FNDC3B: variants seen among roughly 807,000 people sequenced by gnomAD.
The protein encoded by FNDC3B is fibronectin type III domain containing 3B.
Under a neutral mutation model 151.5 loss-of-function variants are expected in FNDC3B, and 12 were observed. That is an observed-to-expected ratio of 0.08 (90% CI 0.05 to 0.13). FNDC3B has a LOEUF of 0.13. Ranked by LOEUF, FNDC3B falls within the 10% of genes least tolerant of loss-of-function variation. FNDC3B has a pLI of 1.00. For synonymous variants in FNDC3B, 528 were observed against 549.0 expected, an observed-to-expected ratio of 0.96 and a Z score of 0.54; for missense variants, 1,214 against 1,505.3, an observed-to-expected ratio of 0.81 and a Z score of 3.20.
chr3:172,366,159 G>A (rs2108348802), intron 23 of FNDC3B, among the ~76,000 whole-genome samples: 1 of 152,132 alleles, frequency 6.6e-6, no homozygotes, highest in Admixed American at 6.5e-5. Flanking sequence ...AACCCCTCAG[G>A]TTCTGCAACT....
chr3:172,232,733 T>A (rs111347895), intron 4 of FNDC3B, among the ~76,000 whole-genome samples: 2 of 152,114 alleles, frequency 1.3e-5, no homozygotes, highest in African/African-American at 4.8e-5. Flanking sequence ...CACTTGTGAG[T>A]GTGATTAGAG....
chr3:172,234,995 A>G (rs1256337485), intron 4 of FNDC3B, among the ~76,000 whole-genome samples: 1 of 152,144 alleles, frequency 6.6e-6, no homozygotes, highest in African/African-American at 2.4e-5. Context: ...TGGGTTCTTA[A>G]TTCTTTATTG....
intron 7 of FNDC3B, among the ~76,000 whole-genome samples, chr3:172,287,331 G>A (rs1015105369): frequency 6.6e-6 from 1 of 152,146 alleles, no homozygotes; most frequent in African/African-American, 2.4e-5. Flanking sequence ...CAGGGACTCT[G>A]GAAAGATAGA....
intron 6 of FNDC3B, among the ~76,000 whole-genome samples, chr3:172,259,772 G>A (rs1370985532): frequency 6.6e-6 from 1 of 151,864 alleles, no homozygotes; most frequent in Non-Finnish European, 1.5e-5. Context: ...TTTCCCCCTC[G>A]TATTTTTGTT....
At chr3:172,247,404 A>G in intron 4 of FNDC3B, 129 bp from the exon 5 acceptor site, 1 of 980,558 alleles carries the variant, frequency 1.0e-6, no homozygotes, top group Non-Finnish European at 1.5e-6. Context: ...GAGAACCAGA[A>G]TACAACATGC....
At position 172,286,501 on chromosome 3, in the gene FNDC3B, G is replaced by A. The variant is rs183929082; in HGVS notation, c.849+517G>A. Among the ~76,000 whole-genome samples, 291 of 152,328 alleles carry A rather than the reference G, an allele frequency of 1.9e-3. 3 individuals are homozygous for A. Among genetic ancestry groups the A allele is most frequent in the African/African-American group, 6.9e-3 (286 of 41,592 alleles). On this transcript the variant is annotated intron_variant, in intron 7 of 25. Coordinates refer to ENST00000415807, the MANE Select transcript of FNDC3B (RefSeq NM_022763.4). Reference sequence around the variant, plus strand: ...CTTTGAAATTCAAGTGAAAAACTCAGAATGTTGATTCAGCCTTTCATCTGA... The same window carrying A: ...CTTTGAAATTCAAGTGAAAAACTCAAAATGTTGATTCAGCCTTTCATCTGA...
intron 2 of FNDC3B, among the ~76,000 whole-genome samples, chr3:172,114,742 A>C (rs147598492): frequency 2.6e-5 from 4 of 152,130 alleles, no homozygotes; most frequent in African/African-American, 7.2e-5. Flanking sequence ...AAAAACAAAA[A>C]CCCGCATTTT....
At chr3:172,168,637 G>T (rs1006043051) in intron 3 of FNDC3B, among the ~76,000 whole-genome samples, 3 of 151,598 alleles carry the variant, frequency 2.0e-5, no homozygotes, top group Non-Finnish European at 2.9e-5. Context: ...TATTTCAAGT[G>T]TTGCTATATA....
At chr3:172,302,239 T>A (rs1243877094) in intron 9 of FNDC3B, 1 of 152,220 alleles carries the variant, frequency 6.6e-6, no homozygotes, top group Non-Finnish European at 1.5e-5. Context: ...AGTTCACCCA[T>A]CAGACACACA....
intron 1 of FNDC3B, among the ~76,000 whole-genome samples, chr3:172,063,768 C>T (rs1192356317): frequency 6.6e-6 from 1 of 152,144 alleles, no homozygotes. Context: ...TTTTCTAGCT[C>T]TCTTACTCTG....
At chr3:172,087,481 GA>G in intron 1 of FNDC3B, among the ~76,000 whole-genome samples, 1 of 152,228 alleles carries the variant, frequency 6.6e-6, no homozygotes, top group East Asian at 1.9e-4. Flanking sequence ...AACTTGGTTA[GA>G]TTTCCTTTGT....
chr3:172,089,222 T>G (rs1718692576), intron 1 of FNDC3B, among the ~76,000 whole-genome samples: 1 of 152,216 alleles, frequency 6.6e-6, no homozygotes, highest in East Asian at 1.9e-4. Flanking sequence ...TATTATTACT[T>G]TACTAATTCT....
chr3:172,306,929 T>C (rs1049311448), intron 9 of FNDC3B: 1 of 162,086 alleles, frequency 6.2e-6, no homozygotes, highest in Non-Finnish European at 1.4e-5. Flanking sequence ...GTTTGTACTT[T>C]TATGCTTTCT....
At chr3:172,124,799 T>C (rs1296223912) in intron 2 of FNDC3B, among the ~76,000 whole-genome samples, 5 of 152,246 alleles carry the variant, frequency 3.3e-5, no homozygotes, top group African/African-American at 1.2e-4. Context: ...ATCTCTTTCT[T>C]CCTGCCGAGG....
At chr3:172,382,504 G>A (rs1735512929) in intron 25 of FNDC3B, among the ~76,000 whole-genome samples, 2 of 152,142 alleles carry the variant, frequency 1.3e-5, no homozygotes, top group South Asian at 4.1e-4. Context: ...GGCTTTTGTT[G>A]CCATTGCTTT....
intron 1 of FNDC3B, among the ~76,000 whole-genome samples, chr3:172,108,733 G>A (rs921188678): frequency 1.3e-5 from 2 of 152,202 alleles, no homozygotes; most frequent in Non-Finnish European, 2.9e-5. Flanking sequence ...TTTCTACTGG[G>A]AACACTCACT....
At chr3:172,263,421 T>C (rs1334882559) in intron 6 of FNDC3B, among the ~76,000 whole-genome samples, 1 of 152,094 alleles carries the variant, frequency 6.6e-6, no homozygotes, top group Non-Finnish European at 1.5e-5. Flanking sequence ...CCAAGCACAT[T>C]TTTAAAAAAT....
intron 8 of FNDC3B, 133 bp downstream of exon 8, chr3:172,295,647 A>G (rs1042559923): frequency 1.4e-6 from 1 of 735,948 alleles, no homozygotes; most frequent in Non-Finnish European, 2.2e-6. Context: ...TTTAGTAATA[A>G]TTATAATGCT....
chr3:172,376,866 GAAAGA>G lies in FNDC3B; in HGVS notation c.3009-1390_3009-1386del, dbSNP rs1405222570. Among the ~76,000 whole-genome samples the G allele has an allele frequency of 8.9e-4, 71 of 79,366 alleles. 1 individual carries two copies. Among genetic ancestry groups the G allele is most frequent in the East Asian group, 5.7e-3 (19 of 3,328 alleles). The allele number at this position is 79,366 out of a possible 152,430, so 52.1% of individuals were successfully genotyped here. A position where few individuals can be genotyped will look rare whatever the true frequency, so the allele number is the denominator to read the frequency against. On this transcript the variant is annotated intron_variant, in intron 23 of 25. Transcript: ENST00000415807. The stretch of plus-strand genomic sequence containing the variant: ...GGCTTTGTTAAAAAAAAAAAAAAAA[GAAAGA>G]AAAGAAAAGAAAAAGAAAAGAAAAT...
Sources: allele counts gnomAD v4.1 joint callset (sites outside exome capture counted in the v4.1 genomes callset), GRCh38; gene constraint gnomAD v4.1.1; transcripts MANE v1.5; gene names NCBI Gene and HGNC (gene_info 2026-07-23, HGNC 2026-07-21).